TCF4: variants seen among roughly 807,000 people sequenced by gnomAD.
The protein encoded by TCF4 is SL3-3 enhancer factor 2.
Under a neutral mutation model 82.1 loss-of-function variants are expected in TCF4, and 3 were observed. The ratio of observed to expected loss-of-function variants is 0.04; its 90% CI spans 0.02 to 0.09. The LOEUF (loss-of-function observed/expected upper bound fraction) is 0.09. TCF4 is among the 10% of genes least tolerant of loss of function. The pLI is 1.00. For synonymous variants in TCF4, 276 were observed against 309.6 expected, an observed-to-expected ratio of 0.89 and a Z score of 1.14; for missense variants, 518 against 852.7, an observed-to-expected ratio of 0.61 and a Z score of 4.89.
intron 6 of TCF4, among the ~76,000 whole-genome samples, chr18:55,373,237 T>C (rs1287886927): frequency 3.3e-5 from 5 of 151,416 alleles, no homozygotes; most frequent in Non-Finnish European, 7.4e-5. Flanking sequence ...ATAAAGCATG[T>C]AGAGAACATT....
intron 4 of TCF4, 74 bp from the exon 5 acceptor site, chr18:55,461,189 C>A: frequency 8.0e-7 from 1 of 1,256,754 alleles, no homozygotes; most frequent in Non-Finnish European, 1.1e-6. Flanking sequence ...AGCTCCACTA[C>A]CAAAACTTCT....
In TCF4 at chr18:55,275,718, G is replaced by A. The variant is rs780717189; in HGVS notation, c.690C>T (p.Ser230=). The change falls in exon 10 of 20, where the codon TCC becomes TCT. Residue 230 remains serine, a synonymous_variant. Transcript: ENST00000354452. The part of the protein sequence containing the change: ...GHHSSDPWSS[S]SGMNQPGYAG... The stretch of plus-strand genomic sequence containing the variant: ...CATAGCCAGGCTGATTCATCCCACT[G>A]GAGGAGCTCCAAGGGTCACTGCTGT... The A allele has an allele frequency of 3.1e-6, 5 of 1,613,764 alleles. No individual in the cohort carries two copies. In the Admixed American group the frequency reaches 8.3e-5, roughly 27 times the overall value.
intron 14 of TCF4, among the ~76,000 whole-genome samples, chr18:55,256,142 T>C (rs2056769181): frequency 6.6e-6 from 1 of 152,192 alleles, no homozygotes. Flanking sequence ...AAAGAAATCA[T>C]ACATGTGCCT....
chr18:55,502,737 C>G (rs144654135), intron 3 of TCF4, among the ~76,000 whole-genome samples: 1 of 152,198 alleles, frequency 6.6e-6, no homozygotes, highest in African/African-American at 2.4e-5. Context: ...CTGATTTTCA[C>G]ACAAGTTAAG....
intron 11 of TCF4, chr18:55,266,262 G>T (rs2059151670): frequency 6.6e-6 from 1 of 152,166 alleles, no homozygotes. Context: ...TCTATAGCTG[G>T]TATCTAATAA....
chr18:55,406,437 A>G (rs2094094106), intron 5 of TCF4, among the ~76,000 whole-genome samples: 1 of 152,094 alleles, frequency 6.6e-6, no homozygotes, highest in Non-Finnish European at 1.5e-5. Context: ...TTTTAAAAGG[A>G]CACCTCAGTT....
At chr18:55,283,338 A>G (rs2063007073) in intron 8 of TCF4, among the ~76,000 whole-genome samples, 1 of 152,190 alleles carries the variant, frequency 6.6e-6, no homozygotes, top group Admixed American at 6.5e-5. Context: ...AAAAGAACAA[A>G]AAGCAAGCAC....
intron 2 of TCF4, among the ~76,000 whole-genome samples, chr18:55,617,061 G>C (rs920226269): frequency 6.6e-6 from 1 of 152,044 alleles, no homozygotes; most frequent in Non-Finnish European, 1.5e-5. Flanking sequence ...GCATTTTACA[G>C]TTTATGAATT....
At chr18:55,548,661 G>A (rs1482600747) in intron 3 of TCF4, among the ~76,000 whole-genome samples, 3 of 152,164 alleles carry the variant, frequency 2.0e-5, no homozygotes, top group Non-Finnish European at 4.4e-5. Context: ...GGTGTAGCCT[G>A]CTATACACCT....
chr18:55,370,430 T>TAGAC (rs1305022251), intron 6 of TCF4, among the ~76,000 whole-genome samples: 1 of 84,344 alleles, frequency 1.2e-5, no homozygotes, highest in Non-Finnish European at 2.4e-5. Context: ...AGACAGATGA[T>TAGAC]AGATAGATAG....
At chr18:55,249,063 A>G (rs1160148800) in intron 15 of TCF4, among the ~76,000 whole-genome samples, 1 of 152,002 alleles carries the variant, frequency 6.6e-6, no homozygotes, top group Non-Finnish European at 1.5e-5. Context: ...CTGGTTTCTA[A>G]TTCTACTAGT....
Position 55,480,593 on chromosome 18 carries a change from T to G in TCF4, c.146-16456A>C, listed in dbSNP as rs569297648. 2.8e-4 allele frequency among the ~76,000 whole-genome samples: 43 copies of G among 152,324 alleles called. No individual in the cohort carries two copies. The South Asian group carries it at 8.7e-3, about 31-fold the overall frequency. ...TTTCAAAGGGGCCTAACAGAAAGGT[T>G]CATGATTAACCTAAGGGAATAAACT... On this transcript the variant is annotated intron_variant, in intron 3 of 19. Transcript: ENST00000354452.
At chr18:55,476,168 G>A (rs991981956) in intron 3 of TCF4, among the ~76,000 whole-genome samples, 5 of 127,110 alleles carry the variant, frequency 3.9e-5, no homozygotes, top group African/African-American at 1.1e-4. Flanking sequence ...TCCATGGGCT[G>A]ACGTACAAAA....
In TCF4 at chr18:55,496,918, T is replaced by G. The variant is rs552956789; in HGVS notation, c.146-32781A>C. Among the ~76,000 whole-genome samples the G allele has an allele frequency of 1.7e-4, 25 of 143,396 alleles. No individual in the cohort carries two copies. In the South Asian group the frequency reaches 4.9e-3, roughly 28 times the overall value. 94.1% of individuals were successfully genotyped at this position (143,396 alleles called of 152,430 possible). Reference sequence around the variant, plus strand: ...TTACAAAAAAAAAAAAAAAAAAAGTTTAAAGCCACAAGAGAATATATGGAG... The same window carrying G: ...TTACAAAAAAAAAAAAAAAAAAAGTGTAAAGCCACAAGAGAATATATGGAG... On this transcript the variant is annotated intron_variant, in intron 3 of 19. Coordinates refer to ENST00000354452, the MANE Select transcript of TCF4 (RefSeq NM_001083962.2).
chr18:55,598,392 T>C (rs1037559615), intron 2 of TCF4, among the ~76,000 whole-genome samples: 1 of 152,360 alleles, frequency 6.6e-6, no homozygotes, highest in Admixed American at 6.5e-5. Flanking sequence ...TTGTATTTTT[T>C]ATTTTTTTAT....
chr18:55,256,524 T>C lies in TCF4; in HGVS notation c.1146+791A>G, dbSNP rs557230492. Among the ~76,000 whole-genome samples, 96 of 152,228 alleles carry C rather than the reference T, an allele frequency of 6.3e-4. 1 individual carries two copies. The highest frequency in any genetic ancestry group is 3.1e-4 in the Non-Finnish European group (21 of 68,020). On this transcript the variant is annotated intron_variant, in intron 14 of 19. Coordinates refer to ENST00000354452, the MANE Select transcript of TCF4 (RefSeq NM_001083962.2). ...CACCTTTGCTTTTCTTTTCAGATTT[T>C]CCTTAAGATTAAGCTGAAAGGGAAG...
chr18:55,253,281 T>C (rs541729670), intron 15 of TCF4, among the ~76,000 whole-genome samples: 4 of 152,314 alleles, frequency 2.6e-5, no homozygotes, highest in Non-Finnish European at 5.9e-5. Flanking sequence ...AATTTGTATG[T>C]ATTTTGCATT....
rs146707157 is a variant in TCF4 at position 55,451,744 on chromosome 18, C to G, written c.304+9275G>C. Among the ~76,000 whole-genome samples, 1,271 of 152,210 alleles carry G rather than the reference C, an allele frequency of 8.4e-3. 16 individuals are homozygous for G. Among genetic ancestry groups the G allele is most frequent in the Middle Eastern group, 0.037 (11 of 294 alleles). ...AAGTGTTTAATCGCAACCCCGCCAC[C>G]CAAGATCCAGTCCAGAAGTAGGGTA... is the stretch of plus-strand genomic sequence containing the variant. On this transcript the variant is annotated intron_variant, in intron 5 of 19. Transcript: ENST00000354452.
rs188559111 is a variant in TCF4 at position 55,270,860 on chromosome 18, T to C, written c.790-897A>G. ...AAAAAGTGCTGAGCTATTTTCAAGATAAAAAGCAGCTTCAAAAGTTATTCT... is the reference window on the plus strand; with the variant it reads ...AAAAAGTGCTGAGCTATTTTCAAGACAAAAAGCAGCTTCAAAAGTTATTCT... On this transcript the variant is annotated intron_variant, in intron 10 of 19. Transcript: ENST00000354452. Among the ~76,000 whole-genome samples, 360 of 152,232 alleles carry C rather than the reference T, an allele frequency of 2.4e-3. 3 individuals carry two copies. The highest frequency in any genetic ancestry group is 8.1e-3 in the African/African-American group (338 of 41,556).
Sources: gnomAD v4.1 joint callset for allele counts (sites outside exome capture counted in the v4.1 genomes callset) on GRCh38, gnomAD v4.1.1 for gene constraint, MANE v1.5 for transcripts, NCBI Gene and HGNC (gene_info 2026-07-23, HGNC 2026-07-21) for gene names.